Variants in THADA observed in about 807,000 individuals in gnomAD.
The protein encoded by THADA is tRNA (32-2'-O)-methyltransferase regulator THADA.
THADA carries 213 observed loss-of-function variants against 219.8 expected under a neutral mutation model. That is an observed-to-expected ratio of 0.97 (90% CI 0.87 to 1.09). The LOEUF is 1.09. Ranked by LOEUF, THADA falls within the 50% of genes least tolerant of loss-of-function variation. The pLI is 0.00. For missense variants in THADA, 2,956 were observed against 2,311.3 expected (o/e 1.28, Z -5.72); for synonymous variants, 1,018 against 828.9 (o/e 1.23, Z -3.92).
At chr2:43,525,243 T>C (rs6708660) in intron 22 of THADA, among the ~76,000 whole-genome samples, 64,615 of 152,082 alleles carry the variant, frequency 0.42, 15,322 homozygotes, top group African/African-American at 0.62. Flanking sequence ...TAGTAACCTC[T>C]ACTATTCACA....
chr2:43,556,659 T>C (rs1697389785), intron 16 of THADA, 104 bp from the exon 17 acceptor site: 3 of 1,090,716 alleles, frequency 2.8e-6, no homozygotes, highest in Admixed American at 2.7e-5. Flanking sequence ...TACAGTGGGC[T>C]CGAGCCTAGA....
chr2:43,431,245 C>T (rs1679228875), intron 26 of THADA, among the ~76,000 whole-genome samples: 1 of 152,152 alleles, frequency 6.6e-6, no homozygotes, highest in African/African-American at 2.4e-5. Flanking sequence ...TTTTTACACA[C>T]AGCAAAATGC....
chr2:43,321,968 T>A (rs1678765227), intron 30 of THADA, among the ~76,000 whole-genome samples: 1 of 152,184 alleles, frequency 6.6e-6, no homozygotes, highest in Non-Finnish European at 1.5e-5. Flanking sequence ...TCCTTAAAGT[T>A]TATTCACACC....
At chr2:43,351,927 C>T (rs1488511929) in intron 29 of THADA, among the ~76,000 whole-genome samples, 1 of 152,222 alleles carries the variant, frequency 6.6e-6, no homozygotes, top group African/African-American at 2.4e-5. Context: ...CAAGGGCCCC[C>T]AAGCTGTTCG....
At chr2:43,242,200 T>G in intron 36 of THADA, among the ~76,000 whole-genome samples, 1 of 152,260 alleles carries the variant, frequency 6.6e-6, no homozygotes, top group South Asian at 2.1e-4. Flanking sequence ...TTCCCAGGAC[T>G]GTCTATAAAA....
intron 28 of THADA, among the ~76,000 whole-genome samples, chr2:43,403,141 T>C (rs991206030): frequency 6.6e-6 from 1 of 152,222 alleles, no homozygotes; most frequent in Non-Finnish European, 1.5e-5. Flanking sequence ...AAAACTAGCA[T>C]AAAGCCTGCA....
At position 43,337,528 on chromosome 2, in the gene THADA, G is replaced by A. The variant is rs183247760; in HGVS notation, c.4343+6594C>T. On this transcript the variant is annotated intron_variant, in intron 30 of 37. Transcript: ENST00000405975. ...CCTCAACTGAATTTTTTATATCTTA[G>A]TTAAAATTTTGGTGGAGGTCTCTCA... 1.1e-3 allele frequency among the ~76,000 whole-genome samples: 168 copies of A among 152,284 alleles called. 2 individuals are homozygous for A. Among genetic ancestry groups the A allele is most frequent in the African/African-American group, 4.0e-3 (165 of 41,562 alleles).
chr2:43,497,377 T>C (rs1442102789), intron 25 of THADA, among the ~76,000 whole-genome samples: 1 of 152,200 alleles, frequency 6.6e-6, no homozygotes, highest in Non-Finnish European at 1.5e-5. Context: ...TGAGATCATG[T>C]CCTTTGCAGG....
Position 43,231,015 on chromosome 2 carries a change from A to C in THADA, c.5795T>G (p.Leu1932Arg). The change falls in exon 38 of 38, where the codon CTC (leucine) becomes CGC (arginine). Residue 1932 changes from leucine (L) to arginine (R), a missense_variant. Leu to Arg is a moderately radical substitution (Grantham distance 102, BLOSUM62 -2). Transcript: ENST00000405975. ...TTCTGCATAAGAGTCCCAAACACTGAGAACTAGGGTGTCTTCCCCTTCCTT... is the reference window on the plus strand; with the variant it reads ...TTCTGCATAAGAGTCCCAAACACTGCGAACTAGGGTGTCTTCCCCTTCCTT... ...EGKEGEDTLV[L>R]SVWDSYAESR... 1 of 1,613,958 alleles carries C rather than the reference A, an allele frequency of 6.2e-7. No individual in the cohort carries two copies.
At chr2:43,371,579 A>G (rs534368506) in intron 29 of THADA, among the ~76,000 whole-genome samples, 124 of 152,346 alleles carry the variant, frequency 8.1e-4, no homozygotes, top group Non-Finnish European at 1.6e-3. Flanking sequence ...AGACAAAGAA[A>G]AAAAACAAAA....
intron 30 of THADA, among the ~76,000 whole-genome samples, chr2:43,324,907 C>G (rs1204231960): frequency 1.3e-5 from 2 of 152,154 alleles, no homozygotes; most frequent in Non-Finnish European, 2.9e-5. Flanking sequence ...AAGTGATCAG[C>G]ATGTAGCAGA....
At chr2:43,269,865 G>A (rs1165404160) in intron 36 of THADA, among the ~76,000 whole-genome samples, 2 of 152,168 alleles carry the variant, frequency 1.3e-5, no homozygotes, top group African/African-American at 4.8e-5. Context: ...GGCCCAGAGA[G>A]ACCAAGGCAG....
Position 43,300,908 on chromosome 2 carries a change from T to A in THADA, c.4439-7695A>T, listed in dbSNP as rs560713723. On this transcript the variant is annotated intron_variant, in intron 31 of 37. Transcript: ENST00000405975. Reference sequence around the variant, plus strand: ...CCAGAGTTTCTGATTCTGCAGGTCCTGGGATGGGGCTGATGATTTGCATTT... The same window carrying A: ...CCAGAGTTTCTGATTCTGCAGGTCCAGGGATGGGGCTGATGATTTGCATTT... Among the ~76,000 whole-genome samples the A allele has an allele frequency of 6.7e-4, 102 of 152,310 alleles. 1 individual carries two copies. Among genetic ancestry groups the A allele is most frequent in the Non-Finnish European group, 1.2e-3 (79 of 68,014 alleles).
intron 9 of THADA, among the ~76,000 whole-genome samples, chr2:43,577,769 ACT>A (rs1268590706): frequency 6.6e-6 from 1 of 151,974 alleles, no homozygotes; most frequent in Non-Finnish European, 1.5e-5. Flanking sequence ...TGAACAATTG[ACT>A]CTATCTAGCA....
At chr2:43,589,027 G>A (rs929059833) in intron 4 of THADA, among the ~76,000 whole-genome samples, 2 of 152,068 alleles carry the variant, frequency 1.3e-5, no homozygotes, top group Non-Finnish European at 2.9e-5. Flanking sequence ...AGGACTGCTG[G>A]TGGGAATGTA....
At chr2:43,498,230 A>G (rs1318005858) in intron 25 of THADA, among the ~76,000 whole-genome samples, 3 of 152,118 alleles carry the variant, frequency 2.0e-5, no homozygotes, top group African/African-American at 7.2e-5. Flanking sequence ...GGTGAGGGAG[A>G]TGAGAGATGG....
chr2:43,497,702 T>C (rs1014524946), intron 25 of THADA, among the ~76,000 whole-genome samples: 1 of 152,086 alleles, frequency 6.6e-6, no homozygotes, highest in African/African-American at 2.4e-5. Flanking sequence ...CTGGCTAACA[T>C]AGTGAAACCC....
chr2:43,246,855 G>A (rs930686936), intron 36 of THADA, among the ~76,000 whole-genome samples: 4 of 152,160 alleles, frequency 2.6e-5, no homozygotes, highest in South Asian at 2.1e-4. Context: ...GGAAATCACC[G>A]CTGACATGGC....
At chr2:43,478,705 T>C (rs1375153893) in intron 26 of THADA, among the ~76,000 whole-genome samples, 3 of 152,200 alleles carry the variant, frequency 2.0e-5, no homozygotes, top group African/African-American at 7.2e-5. Flanking sequence ...AAGCAGTACT[T>C]AGAAATAAAG....
Sources: allele counts gnomAD v4.1 joint callset (sites outside exome capture counted in the v4.1 genomes callset), GRCh38; gene constraint gnomAD v4.1.1; transcripts MANE v1.5; gene names NCBI Gene and HGNC (gene_info 2026-07-23, HGNC 2026-07-21).